BICRA: variants seen among roughly 807,000 people sequenced by gnomAD.
BICRA encodes the protein BRD4 interacting chromatin remodeling complex associated protein, also known as BRD4-interacting chromatin-remodeling complex-associated protein.
Under a neutral mutation model 96.9 loss-of-function variants are expected in BICRA, and 31 were observed. That is an observed-to-expected ratio of 0.32 (90% CI 0.24 to 0.43). The LOEUF (loss-of-function observed/expected upper bound fraction) is 0.43. BICRA is among the 20% of genes least tolerant of loss of function. BICRA has a pLI of 1.00. For synonymous variants in BICRA, 1,350 were observed against 1,071.8 expected (o/e 1.26, Z -5.07); for missense variants, 2,283 against 2,190.3 (o/e 1.04, Z -0.84).
At chr19:47,673,826 C>T in intron 4 of BICRA, 64 bp downstream of exon 4, 1 of 1,337,092 alleles carries the variant, frequency 7.5e-7, no homozygotes, top group Non-Finnish European at 1.1e-6. Flanking sequence ...GAGTGAGGGA[C>T]AGGGAGAGAC....
chr19:47,635,699 T>C (rs1599799817), intron 1 of BICRA, among the ~76,000 whole-genome samples: 1 of 90,730 alleles, frequency 1.1e-5, no homozygotes, highest in South Asian at 4.9e-4. Context: ...AGTGGAATCA[T>C]GTGATATTTG....
intron 1 of BICRA, among the ~76,000 whole-genome samples, chr19:47,619,456 A>G (rs1378079877): frequency 6.6e-6 from 1 of 151,962 alleles, no homozygotes; most frequent in African/African-American, 2.4e-5. Flanking sequence ...ATGAGGTTTC[A>G]CCATGTTGGC....
intron 1 of BICRA, among the ~76,000 whole-genome samples, chr19:47,640,280 C>A (rs1276767631): frequency 6.6e-6 from 1 of 152,182 alleles, no homozygotes; most frequent in East Asian, 1.9e-4. Context: ...GCCTGTCATC[C>A]CAGCACATTG....
upstream of BICRA, among the ~76,000 whole-genome samples, chr19:47,608,934 AT>A (rs563323203): frequency 2.8e-3 from 376 of 134,482 alleles, 1 homozygote; most frequent in African/African-American, 6.8e-3. Context: ...ATTAAAAAAA[AT>A]TTTTTTTTTT....
Position 47,699,208 on chromosome 19 carries a change from G to A in BICRA, c.3493-95G>A, listed in dbSNP as rs981944791. ...AGGGAGGCGGGAGCTCCCATCACAA[G>A]GACAGTTTGGACCTTGCACGCATCG... On this transcript the variant is annotated intron_variant, in intron 13 of 14. Coordinates refer to ENST00000594866, the MANE Select transcript of BICRA (RefSeq NM_001394372.1). This position sits in a 1 kb window ranked among gnomAD's most constrained non-coding sequence, Gnocchi z 5.0. The A allele has an allele frequency of 1.1e-6, 1 of 874,248 alleles. No individual in the cohort carries two copies. Among genetic ancestry groups the A allele is most frequent in the Non-Finnish European group, 1.9e-6 (1 of 533,930 alleles). 54.2% of individuals were successfully genotyped at this position (874,248 alleles called of 1,614,324 possible).
chr19:47,622,055 C>G (rs1972072782), intron 1 of BICRA, among the ~76,000 whole-genome samples: 2 of 151,954 alleles, frequency 1.3e-5, no homozygotes, highest in African/African-American at 4.8e-5. Context: ...CAACCTCTAC[C>G]TCCCGGGTTC....
intron 1 of BICRA, among the ~76,000 whole-genome samples, chr19:47,643,395 G>T (rs1313254083): frequency 6.6e-6 from 1 of 152,234 alleles, no homozygotes; most frequent in Non-Finnish European, 1.5e-5. Flanking sequence ...TGAAGGCTTT[G>T]AATGTGGCTC....
intron 1 of BICRA, among the ~76,000 whole-genome samples, chr19:47,615,280 C>T (rs1417514793): frequency 6.6e-6 from 1 of 152,254 alleles, no homozygotes; most frequent in East Asian, 1.9e-4. Flanking sequence ...CCGTGCCCGG[C>T]CCCTCATGCT....
At chr19:47,609,376 CTTTTTTT>C (rs774981061) in intron 1 of BICRA, among the ~76,000 whole-genome samples, 3 of 27,612 alleles carry the variant, frequency 1.1e-4, no homozygotes, top group African/African-American at 3.4e-4. Context: ...CCGCTGCCTC[CTTTTTTT>C]TTTTTTTTTT....
At chr19:47,645,295 T>C (rs970229851) in intron 1 of BICRA, among the ~76,000 whole-genome samples, 4 of 152,072 alleles carry the variant, frequency 2.6e-5, no homozygotes, top group African/African-American at 9.7e-5. Flanking sequence ...AGAACGTCTC[T>C]CATTTTCAGT....
intron 1 of BICRA, among the ~76,000 whole-genome samples, chr19:47,622,723 C>CA (rs756030830): frequency 0.034 from 1,065 of 31,228 alleles, 24 homozygotes; most frequent in Middle Eastern, 0.067. Context: ...GACTCTGTCT[C>CA]AAAAAAAAAA....
At position 47,702,241 on chromosome 19, in the gene BICRA, C is replaced by T. The variant is rs371086138; in HGVS notation, c.4509C>T (p.Ser1503=). The part of the protein sequence containing the change: ...QDDTLTEHLQ[S]AIDSILNLQQ... ...ACACGCTCACCGAGCACCTGCAGAG[C>T]GCCATCGACAGCATCCTGAACCTGC... The change falls in exon 15 of 15, where the codon AGC becomes AGT. Residue 1503 remains serine, a synonymous_variant. Coordinates refer to ENST00000594866, the MANE Select transcript of BICRA (RefSeq NM_001394372.1). 5.3e-5 allele frequency: 84 copies of T among 1,599,128 alleles called. No individual in the cohort carries two copies. The highest frequency in any genetic ancestry group is 4.3e-4 in the African/African-American group (32 of 74,344).
rs550703368 is a variant in BICRA, at chr19:47,681,374, A to G, written c.2106+98A>G. On this transcript the variant is annotated intron_variant, in intron 6 of 14. Coordinates refer to ENST00000594866, the MANE Select transcript of BICRA (RefSeq NM_001394372.1). Reference sequence around the variant, plus strand: ...GCGCCAAGATCCAAAAGTGGATGCCACTGTGGCAGCTGGGGGGGGAAGGTC... The same window carrying G: ...GCGCCAAGATCCAAAAGTGGATGCCGCTGTGGCAGCTGGGGGGGGAAGGTC... 7.4e-6 allele frequency: 8 copies of G among 1,076,326 alleles called. No homozygotes were observed. In the African/African-American group the frequency reaches 1.7e-4, roughly 23 times the overall value. The allele number at this position is 1,076,326 out of a possible 1,614,324, so 66.7% of individuals were successfully genotyped here.
intron 1 of BICRA, among the ~76,000 whole-genome samples, chr19:47,651,635 A>G (rs1358203944): frequency 6.6e-6 from 1 of 152,180 alleles, no homozygotes; most frequent in Non-Finnish European, 1.5e-5. Flanking sequence ...AGTAGGGATC[A>G]GTAGGGAGCC....
Position 47,698,500 on chromosome 19 carries a change from C to G in BICRA, c.3249-134C>G. The G allele has an allele frequency of 3.1e-6, 2 of 643,320 alleles. No homozygotes were observed. The highest frequency in any genetic ancestry group is 5.6e-6 in the Non-Finnish European group (2 of 355,438). 39.9% of individuals were successfully genotyped at this position (643,320 alleles called of 1,614,324 possible). ...AAGCACGTTCAGTACATGGGAACAC[C>G]ACTGCCCAAGTATTCCCCTTCCCGC... is the stretch of plus-strand genomic sequence containing the variant. On this transcript the variant is annotated intron_variant, in intron 11 of 14. Coordinates refer to ENST00000594866, the MANE Select transcript of BICRA (RefSeq NM_001394372.1). This position sits in a 1 kb window ranked among gnomAD's most constrained non-coding sequence, Gnocchi z 4.8.
intron 1 of BICRA, among the ~76,000 whole-genome samples, chr19:47,639,319 A>ATTTTTTTT (rs35509834): frequency 1.3e-4 from 7 of 52,378 alleles, no homozygotes; most frequent in Admixed American, 3.2e-4. Context: ...CCCACCCTGC[A>ATTTTTTTT]TTTTTTTTTT....
At position 47,618,254 on chromosome 19, in the gene BICRA, G is replaced by A. The variant is rs118134100; in HGVS notation, c.-108+9086G>A. 6.2e-4 allele frequency among the ~76,000 whole-genome samples: 95 copies of A among 152,302 alleles called. No homozygotes were observed. The East Asian group carries it at 0.017, about 27-fold the overall frequency. On this transcript the variant is annotated intron_variant, in intron 1 of 14. Coordinates refer to ENST00000594866, the MANE Select transcript of BICRA (RefSeq NM_001394372.1). ...ATGGACCCCTAGGATGACCCTGGAG[G>A]TGATGGGCAACTGGGTCAGCTGTGT...
intron 1 of BICRA, among the ~76,000 whole-genome samples, chr19:47,613,409 T>G (rs1568544108): frequency 6.6e-6 from 1 of 152,240 alleles, no homozygotes; most frequent in East Asian, 1.9e-4. Flanking sequence ...CCGCCTGGGC[T>G]TGGAAGGCAG....
chr19:47,613,372 C>G (rs551747090), intron 1 of BICRA, among the ~76,000 whole-genome samples: 1 of 152,176 alleles, frequency 6.6e-6, no homozygotes, highest in Non-Finnish European at 1.5e-5. Flanking sequence ...TAATTGGAAA[C>G]AGGAAAACAT....
Sources: allele counts gnomAD v4.1 joint callset (sites outside exome capture counted in the v4.1 genomes callset), GRCh38; gene constraint gnomAD v4.1.1; non-coding constraint Gnocchi (gnomAD v3.1); transcripts MANE v1.5; gene names NCBI Gene and HGNC (gene_info 2026-07-23, HGNC 2026-07-21).